RBBP6: variants seen among roughly 807,000 people sequenced by gnomAD.
The protein encoded by RBBP6 is RB binding protein 6, ubiquitin ligase, also known as E3 ubiquitin-protein ligase RBBP6.
Under a neutral mutation model 167.7 loss-of-function variants are expected in RBBP6, and 25 were observed. The ratio of observed to expected loss-of-function variants is 0.15; its 90% confidence interval spans 0.11 to 0.21. The LOEUF is 0.21. Among genes scored for constraint, RBBP6 ranks in the 10% least tolerant of loss-of-function variants. The pLI, the probability that RBBP6 is intolerant of heterozygous loss-of-function variation, is 1.00. For synonymous variants in RBBP6, 789 were observed against 735.8 expected, an observed-to-expected ratio of 1.07 and a Z score of -1.17; for missense variants, 1,868 against 2,134.2, an observed-to-expected ratio of 0.88 and a Z score of 2.46.
At chr16:24,540,857 G>C in intron 1 of RBBP6, 65 bp downstream of exon 1, 1 of 1,539,742 alleles carries the variant, frequency 6.5e-7, no homozygotes, top group Non-Finnish European at 8.8e-7. Context: ...AAGGTGCCTG[G>C]CAGGAAGCTA....
At chr16:24,543,292 CTTT>C (rs200408370) in intron 1 of RBBP6, among the ~76,000 whole-genome samples, 12 of 126,158 alleles carry the variant, frequency 9.5e-5, no homozygotes, top group African/African-American at 2.3e-4. Flanking sequence ...TCCCTTAAAT[CTTT>C]TTTTTTTTTT....
At chr16:24,554,450 T>TG (rs1457424677) in intron 4 of RBBP6, 1 of 152,098 alleles carries the variant, frequency 6.6e-6, no homozygotes, top group Non-Finnish European at 1.5e-5. Context: ...GTGCTGTCCC[T>TG]ATCTTGTTCT....
chr16:24,568,813 G>A lies in RBBP6; in HGVS notation c.2123G>A (p.Gly708Asp). ...TATACTTATTCTAAATCAAGATCTG[G>A]TTCAACACGTTCACGCTCTTATTCT... ...SSYTYSKSRSGSTRSRSYSRS... is the reference protein window; with the variant it reads ...SSYTYSKSRSDSTRSRSYSRS... The change falls in exon 17 of 18, where the codon GGT becomes GAT. Residue 708 changes from glycine (G) to aspartate (D), a missense_variant. Transcript: ENST00000319715. The A allele has an allele frequency of 6.2e-7, 1 of 1,614,164 alleles. No homozygotes were observed. The highest frequency in any genetic ancestry group is 2.2e-5 in the East Asian group (1 of 44,880).
intron 8 of RBBP6, 33 bp from the exon 9 acceptor site, chr16:24,561,579 T>C (rs1488754455): frequency 1.3e-6 from 2 of 1,552,078 alleles, no homozygotes. Context: ...GTTCCTACTA[T>C]GCTTTTATTA....
chr16:24,558,452 A>G (rs1898971742), intron 7 of RBBP6: 5 of 984,548 alleles, frequency 5.1e-6, no homozygotes, highest in Non-Finnish European at 4.8e-6. Context: ...ATTGGGAACA[A>G]TGGGGCATAA....
At position 24,570,421 on chromosome 16, in the gene RBBP6, A is replaced by C; in HGVS notation, c.3731A>C (p.Gln1244Pro). 6.2e-7 allele frequency: 1 copy of C among 1,609,870 alleles called. No homozygotes were observed. The highest frequency in any genetic ancestry group is 8.5e-7 in the Non-Finnish European group (1 of 1,179,090). The change falls in exon 17 of 18, where the codon CAA (glutamine) becomes CCA (proline). Residue 1244 changes from glutamine to proline, a missense_variant. Transcript: ENST00000319715. The part of the protein sequence containing the change: ...KLESTSSKVK[Q>P]EKVKGKVRRK... ...GAGTCAACATCTAGCAAAGTTAAAC[A>C]AGAAAAAGTCAAAGGAAAGGTCAGA...
At position 24,556,416 on chromosome 16, in the gene RBBP6, A is replaced by G; in HGVS notation, c.643A>G (p.Thr215Ala). Residue 215 changes from threonine to alanine, a missense_variant, in exon 7 of 18, where the codon ACT becomes GCT. Thr to Ala is a moderately conservative substitution (Grantham distance 58, BLOSUM62 0). Coordinates refer to ENST00000319715, the MANE Select transcript of RBBP6 (RefSeq NM_006910.5). ...PNMKGAMLTN[T>A]GKYAIPTIDA... ...TATGAAAGGTGCAATGCTTACCAAC[A>G]CTGGAAAATATGCAATACCAACTAT... is the stretch of plus-strand genomic sequence containing the variant. The G allele has an allele frequency of 6.2e-7, 1 of 1,611,782 alleles. No homozygotes were observed. Among genetic ancestry groups the G allele is most frequent in the Non-Finnish European group, 8.5e-7 (1 of 1,178,194 alleles).
At chr16:24,560,275 G>T (rs12149382) in intron 8 of RBBP6, among the ~76,000 whole-genome samples, 40,411 of 151,702 alleles carry the variant, frequency 0.27, 5,413 homozygotes, top group Admixed American at 0.33. Flanking sequence ...CCCGGCTAAT[G>T]TTTTGTATTT....
intron 2 of RBBP6, among the ~76,000 whole-genome samples, chr16:24,548,524 G>C (rs556054860): frequency 2.0e-5 from 3 of 151,944 alleles, no homozygotes; most frequent in Non-Finnish European, 2.9e-5. Flanking sequence ...AATTTCTCAG[G>C]GATTCAAATT....
intron 7 of RBBP6, among the ~76,000 whole-genome samples, chr16:24,558,188 A>G (rs192871564): frequency 5.9e-5 from 9 of 152,306 alleles, no homozygotes; most frequent in Admixed American, 5.9e-4. Flanking sequence ...TGTAAACCCT[A>G]ACTAATAATT....
intron 1 of RBBP6, among the ~76,000 whole-genome samples, chr16:24,544,157 G>T (rs1348314929): frequency 6.6e-6 from 1 of 152,192 alleles, no homozygotes; most frequent in Non-Finnish European, 1.5e-5. Flanking sequence ...GAAAGCTCTT[G>T]TGAGTGCATT....
intron 2 of RBBP6, among the ~76,000 whole-genome samples, chr16:24,546,607 G>A (rs887127085): frequency 1.3e-5 from 2 of 152,040 alleles, no homozygotes; most frequent in African/African-American, 2.4e-5. Flanking sequence ...CAAAAATTTG[G>A]TGTTGTAGAC....
chr16:24,555,949 T>C (rs1567274325), intron 6 of RBBP6, 32 bp downstream of exon 6: 2 of 1,509,046 alleles, frequency 1.3e-6, no homozygotes, highest in African/African-American at 2.8e-5. Flanking sequence ...TGGTATATCT[T>C]ACTTTTTTTC....
intron 2 of RBBP6, among the ~76,000 whole-genome samples, chr16:24,547,789 C>T (rs1407148419): frequency 1.3e-5 from 2 of 152,164 alleles, no homozygotes; most frequent in African/African-American, 4.8e-5. Flanking sequence ...GAATTAATTC[C>T]TACAATCCAG....
intron 3 of RBBP6, 136 bp downstream of exon 3, chr16:24,549,117 C>T: frequency 1.3e-6 from 2 of 1,506,292 alleles, no homozygotes; most frequent in East Asian, 2.5e-5. Flanking sequence ...ATTTTGATGA[C>T]AGCTCAGTTG....
chr16:24,569,241 C>A lies in RBBP6; in HGVS notation c.2551C>A (p.Pro851Thr). Residue 851 changes from proline (P) to threonine (T), a missense_variant, in exon 17 of 18, where the codon CCT becomes ACT. Transcript: ENST00000319715. ...YYKGYAAGAQ[P>T]RPSANRENFS... ...TAAAGGTTATGCTGCTGGAGCACAG[C>A]CTAGACCCTCAGCAAATAGAGAGAA... 1 of 1,613,226 alleles carries A rather than the reference C, an allele frequency of 6.2e-7. No homozygotes were observed. The highest frequency in any genetic ancestry group is 8.5e-7 in the Non-Finnish European group (1 of 1,179,826).
chr16:24,548,736 T>C lies in RBBP6; in HGVS notation c.267-209T>C, dbSNP rs796225422. Among the ~76,000 whole-genome samples, 11 of 152,298 alleles carry C rather than the reference T, an allele frequency of 7.2e-5. 1 individual carries two copies. The highest frequency in any genetic ancestry group is 2.4e-4 in the African/African-American group (10 of 41,578). ...TGAATTCCCTAGTATGGAATTTTTT[T>C]CCAAACCACAAATCTATCTTAAAAC... On this transcript the variant is annotated intron_variant, in intron 2 of 17. Transcript: ENST00000319715.
chr16:24,550,841 G>A (rs1898779285), intron 3 of RBBP6, among the ~76,000 whole-genome samples: 1 of 151,466 alleles, frequency 6.6e-6, no homozygotes, highest in African/African-American at 2.4e-5. Context: ...TTTGCTTGGG[G>A]TACATTTGCT....
chr16:24,568,069 G>A (rs557085850), intron 16 of RBBP6, among the ~76,000 whole-genome samples, 176 bp downstream of exon 16: 2 of 152,214 alleles, frequency 1.3e-5, no homozygotes, highest in Admixed American at 1.3e-4. Context: ...ATGTCTCAGT[G>A]TAAATTTTAT....
Sources: gnomAD v4.1 joint callset for allele counts (sites outside exome capture counted in the v4.1 genomes callset) on GRCh38, gnomAD v4.1.1 for gene constraint, MANE v1.5 for transcripts, NCBI Gene and HGNC (gene_info 2026-07-23, HGNC 2026-07-21) for gene names.